The following SCAPER variants were observed in gnomAD, a reference collection of about 807,000 sequenced individuals.
SCAPER encodes S-phase cyclin A associated protein in the ER, also known as S phase cyclin A-associated protein in the endoplasmic reticulum.
SCAPER carries 98 observed loss-of-function variants against 182.2 expected under a neutral mutation model. That is an observed-to-expected ratio of 0.54 (90% CI 0.46 to 0.64). The LOEUF (loss-of-function observed/expected upper bound fraction) is 0.64, where lower values mean the gene tolerates loss of function less well. Ranked by LOEUF, SCAPER falls within the 30% of genes least tolerant of loss-of-function variation. The pLI is 0.00. For synonymous variants in SCAPER, 605 were observed against 564.6 expected (o/e 1.07, Z -1.01); for missense variants, 1,432 against 1,690.0 (o/e 0.85, Z 2.68).
chr15:76,640,581 A>C (rs139041886), intron 21 of SCAPER, among the ~76,000 whole-genome samples: 5 of 152,176 alleles, frequency 3.3e-5, no homozygotes, highest in Admixed American at 3.3e-4. Flanking sequence ...ACTATCATTA[A>C]TTTTATTCTG....
chr15:76,567,753 C>T (rs2047146727), intron 23 of SCAPER, among the ~76,000 whole-genome samples: 1 of 152,114 alleles, frequency 6.6e-6, no homozygotes, highest in African/African-American at 2.4e-5. Context: ...GGAATTCCTT[C>T]TATACTCTGG....
At chr15:76,568,418 C>T (rs994296567) in intron 23 of SCAPER, among the ~76,000 whole-genome samples, 4 of 152,068 alleles carry the variant, frequency 2.6e-5, no homozygotes, top group South Asian at 4.2e-4. Context: ...TGCAGTGGCG[C>T]GATCTTGGCT....
At chr15:76,512,605 A>T (rs979099806) in intron 23 of SCAPER, among the ~76,000 whole-genome samples, 2 of 152,024 alleles carry the variant, frequency 1.3e-5, no homozygotes, top group Non-Finnish European at 2.9e-5. Context: ...GTGGAGGGGA[A>T]AAGGACTGAG....
chr15:76,670,866 T>C (rs577595759), intron 20 of SCAPER, among the ~76,000 whole-genome samples: 65 of 152,334 alleles, frequency 4.3e-4, no homozygotes, highest in African/African-American at 1.5e-3. Flanking sequence ...AGATCACCTT[T>C]TGATGATAAA....
intron 25 of SCAPER, among the ~76,000 whole-genome samples, chr15:76,441,779 T>C (rs1200727841): frequency 6.6e-6 from 1 of 152,194 alleles, no homozygotes. Context: ...TTATTTTTCT[T>C]CCAGTGCAAT....
At chr15:76,867,383 A>G (rs1188794048) in intron 2 of SCAPER, among the ~76,000 whole-genome samples, 1 of 152,196 alleles carries the variant, frequency 6.6e-6, no homozygotes, top group East Asian at 1.9e-4. Flanking sequence ...TGAAGACAAG[A>G]TTACTAGTCA....
intron 27 of SCAPER, among the ~76,000 whole-genome samples, chr15:76,388,038 G>C (rs186498609): frequency 6.6e-6 from 1 of 152,306 alleles, no homozygotes; most frequent in East Asian, 1.9e-4. Flanking sequence ...CCAGTGCACT[G>C]TATGACTATT....
At chr15:76,843,096 T>G (rs147554129) in intron 4 of SCAPER, among the ~76,000 whole-genome samples, 99 of 152,336 alleles carry the variant, frequency 6.5e-4, no homozygotes, top group African/African-American at 2.2e-3. Context: ...GTTTATGAAT[T>G]TATAACACAT....
chr15:76,676,097 T>C (rs1369067458), intron 20 of SCAPER, among the ~76,000 whole-genome samples: 1 of 152,244 alleles, frequency 6.6e-6, no homozygotes, highest in East Asian at 1.9e-4. Flanking sequence ...AGTGCCGAGA[T>C]TACAGGCGTG....
chr15:76,742,469 A>T (rs1316633764), intron 15 of SCAPER, among the ~76,000 whole-genome samples: 2 of 22,172 alleles, frequency 9.0e-5, no homozygotes, highest in Middle Eastern at 0.023. Context: ...CTTTTCCTAA[A>T]AAAAAAAAAA....
In SCAPER at chr15:76,422,189, A is replaced by C. The variant is rs560366288; in HGVS notation, c.3311+11889T>G. ...TGGTAGCTTGATGGGGATGGCATTG[A>C]ATCTATAAATTACCTTGGGCAGTAT... is the stretch of plus-strand genomic sequence containing the variant. On this transcript the variant is annotated intron_variant, in intron 26 of 31. Transcript: ENST00000563290. 2.0e-4 allele frequency among the ~76,000 whole-genome samples: 31 copies of C among 152,300 alleles called. 1 individual carries two copies. The highest frequency in any genetic ancestry group is 7.2e-4 in the African/African-American group (30 of 41,568).
chr15:76,851,524 G>C (rs2070755080), intron 4 of SCAPER, among the ~76,000 whole-genome samples: 1 of 152,154 alleles, frequency 6.6e-6, no homozygotes, highest in Non-Finnish European at 1.5e-5. Flanking sequence ...GAGACTGGGG[G>C]CCTATATCCA....
intron 24 of SCAPER, among the ~76,000 whole-genome samples, chr15:76,502,589 G>A (rs1032354961): frequency 2.6e-4 from 39 of 152,084 alleles, no homozygotes; most frequent in African/African-American, 1.4e-4. Flanking sequence ...GGAGGAGGGG[G>A]GAGGGATAGC....
intron 24 of SCAPER, 36 bp downstream of exon 24, chr15:76,504,823 T>C: frequency 1.3e-6 from 2 of 1,515,514 alleles, no homozygotes; most frequent in African/African-American, 1.4e-5. Context: ...GACTCACAAA[T>C]GAAACGTAAA....
chr15:76,773,718 A>T (rs976815225), intron 9 of SCAPER, among the ~76,000 whole-genome samples: 1 of 151,928 alleles, frequency 6.6e-6, no homozygotes, highest in South Asian at 2.1e-4. Flanking sequence ...TCATCAGTAA[A>T]GGAAGATAAG....
intron 22 of SCAPER, chr15:76,576,788 C>G (rs1376472579): frequency 1.3e-5 from 2 of 152,160 alleles, no homozygotes; most frequent in Non-Finnish European, 2.9e-5. Context: ...GAAATCAGTG[C>G]TAGCCTGTTA....
intron 5 of SCAPER, among the ~76,000 whole-genome samples, chr15:76,834,629 G>GA (rs1247985054): frequency 1.3e-5 from 2 of 151,640 alleles, no homozygotes; most frequent in African/African-American, 4.8e-5. Flanking sequence ...TTGGTTCTTA[G>GA]AAAAAAATAA....
At chr15:76,781,337 G>GA (rs1487814052) in intron 8 of SCAPER, among the ~76,000 whole-genome samples, 1 of 152,068 alleles carries the variant, frequency 6.6e-6, no homozygotes, top group African/African-American at 2.4e-5. Flanking sequence ...CAAGATTAGA[G>GA]AAAAAAGAGT....
At chr15:76,784,398 A>AT (rs2064414053) in intron 8 of SCAPER, among the ~76,000 whole-genome samples, 1 of 152,242 alleles carries the variant, frequency 6.6e-6, no homozygotes, top group Non-Finnish European at 1.5e-5. Context: ...ACACAAACAA[A>AT]TGGAAGAATA....
Sources: gnomAD v4.1 joint callset for allele counts (sites outside exome capture counted in the v4.1 genomes callset) on GRCh38, gnomAD v4.1.1 for gene constraint, MANE v1.5 for transcripts, NCBI Gene and HGNC (gene_info 2026-07-23, HGNC 2026-07-21) for gene names.